SLC8A1: variants seen among roughly 807,000 people sequenced by gnomAD.
The protein encoded by SLC8A1 is sodium/calcium exchanger 1.
In SLC8A1, 18 loss-of-function variants were observed where a neutral mutation model predicts 68.3. That is an observed-to-expected ratio of 0.26 (90% confidence interval 0.18 to 0.39). The LOEUF (loss-of-function observed/expected upper bound fraction) is 0.39, where lower values mean the gene tolerates loss of function less well. Ranked by LOEUF, SLC8A1 falls within the 10% of genes least tolerant of loss-of-function variation. The probability of loss-of-function intolerance (pLI) is 1.00; values close to 1 mark genes in which losing one functional copy is unlikely to be tolerated. For missense variants in SLC8A1, 985 were observed against 1,156.7 expected (o/e 0.85, Z 2.15); for synonymous variants, 475 against 415.5 (o/e 1.14, Z -1.74).
chr2:40,426,587 A>G (rs950883649), intron 2 of SLC8A1, among the ~76,000 whole-genome samples: 3 of 152,050 alleles, frequency 2.0e-5, no homozygotes, highest in Non-Finnish European at 4.4e-5. Context: ...TGCAGAATAG[A>G]TAGGGAAAGA....
intron 1 of SLC8A1, among the ~76,000 whole-genome samples, chr2:40,435,824 G>A (rs1290747533): frequency 3.3e-5 from 5 of 152,118 alleles, no homozygotes; most frequent in Non-Finnish European, 5.9e-5. Context: ...CGCCCAGGCT[G>A]GAGTGCAGTG....
intron 2 of SLC8A1, among the ~76,000 whole-genome samples, chr2:40,394,903 C>G (rs1686445371): frequency 6.6e-6 from 1 of 152,090 alleles, no homozygotes; most frequent in South Asian, 2.1e-4. Context: ...GAACTCTACC[C>G]CAATCCCAGA....
At chr2:40,233,956 A>G (rs892201903) in intron 2 of SLC8A1, among the ~76,000 whole-genome samples, 14 of 151,938 alleles carry the variant, frequency 9.2e-5, no homozygotes, top group Non-Finnish European at 1.2e-4. Flanking sequence ...ATTGATCTAT[A>G]TCTCTGTTTT....
chr2:40,436,311 A>G (rs1329440809), intron 1 of SLC8A1, among the ~76,000 whole-genome samples: 2 of 152,194 alleles, frequency 1.3e-5, no homozygotes, highest in Non-Finnish European at 2.9e-5. Flanking sequence ...GTGGTAAACC[A>G]GAATCTGGGA....
At chr2:40,311,471 C>T (rs569518688) in intron 2 of SLC8A1, among the ~76,000 whole-genome samples, 19 of 151,862 alleles carry the variant, frequency 1.3e-4, no homozygotes, top group East Asian at 1.2e-3. Flanking sequence ...ATTAATATGG[C>T]GGTATGATGT....
At chr2:40,133,255 C>T (rs1225668269) in intron 7 of SLC8A1, among the ~76,000 whole-genome samples, 1 of 152,110 alleles carries the variant, frequency 6.6e-6, no homozygotes, top group Non-Finnish European at 1.5e-5. Flanking sequence ...ACATGGTGAA[C>T]AACCAGGGTA....
intron 2 of SLC8A1, among the ~76,000 whole-genome samples, chr2:40,190,926 T>TGTGTGTGTGG (rs1491120652): frequency 6.6e-6 from 1 of 151,228 alleles, no homozygotes; most frequent in African/African-American, 2.4e-5. Context: ...GGTCAATAAC[T>TGTGTGTGTGG]GTGTGTGTGG....
At chr2:40,236,506 G>A (rs2060393117) in intron 2 of SLC8A1, among the ~76,000 whole-genome samples, 1 of 151,800 alleles carries the variant, frequency 6.6e-6, no homozygotes, top group Admixed American at 6.6e-5. Flanking sequence ...CTGCACGTGA[G>A]ATGGGTTTCC....
At chr2:40,493,650 ATTTT>A (rs70957182) in intron 1 of SLC8A1, among the ~76,000 whole-genome samples, 7,152 of 134,560 alleles carry the variant, frequency 0.053, 535 homozygotes, top group East Asian at 0.39. Context: ...TTTCCTCAGT[ATTTT>A]TTTTTTTTTT....
chr2:40,430,426 A>T, intron 1 of SLC8A1, 122 bp from the exon 2 acceptor site: 1 of 1,000,744 alleles, frequency 1.0e-6, no homozygotes, highest in South Asian at 1.8e-5. Flanking sequence ...TTTGACCATC[A>T]CAAAACCGAA....
At chr2:40,210,687 T>C (rs1326881104) in intron 2 of SLC8A1, among the ~76,000 whole-genome samples, 2 of 152,164 alleles carry the variant, frequency 1.3e-5, no homozygotes, top group African/African-American at 4.8e-5. Flanking sequence ...TTCAGTATTA[T>C]CTAATGAATG....
intron 2 of SLC8A1, among the ~76,000 whole-genome samples, chr2:40,395,310 A>G (rs1360771776): frequency 6.6e-6 from 1 of 152,130 alleles, no homozygotes; most frequent in African/African-American, 2.4e-5. Flanking sequence ...TATTAGGTAA[A>G]TCAGATCTCA....
intron 1 of SLC8A1, among the ~76,000 whole-genome samples, chr2:40,478,589 A>G (rs1704435735): frequency 1.3e-5 from 2 of 152,278 alleles, no homozygotes; most frequent in South Asian, 4.1e-4. Context: ...TTTTTTCAGT[A>G]AAATATTCTA....
chr2:40,300,618 A>G (rs2071277989), intron 2 of SLC8A1, among the ~76,000 whole-genome samples: 1 of 152,024 alleles, frequency 6.6e-6, no homozygotes, highest in African/African-American at 2.4e-5. Context: ...CAAACCTCAG[A>G]CTCATGCTCT....
intron 4 of SLC8A1, among the ~76,000 whole-genome samples, chr2:40,167,056 G>T (rs916420538): frequency 6.6e-6 from 1 of 152,192 alleles, no homozygotes; most frequent in Non-Finnish European, 1.5e-5. Context: ...TGGTAGCATT[G>T]TTAAGTGCAG....
chr2:40,215,920 C>G (rs1195359727), intron 2 of SLC8A1, among the ~76,000 whole-genome samples: 1 of 151,662 alleles, frequency 6.6e-6, no homozygotes, highest in Non-Finnish European at 1.5e-5. Flanking sequence ...TCCTACCAAA[C>G]TCCTCTGCAC....
At chr2:40,221,297 T>C (rs575377441) in intron 2 of SLC8A1, among the ~76,000 whole-genome samples, 8 of 152,256 alleles carry the variant, frequency 5.3e-5, no homozygotes, top group Admixed American at 2.0e-4. Context: ...ATTATCTCAA[T>C]AGATGCAGAA....
upstream of SLC8A1, among the ~76,000 whole-genome samples, chr2:40,455,989 C>G (rs1702982961): frequency 6.7e-6 from 1 of 149,222 alleles, no homozygotes; most frequent in South Asian, 2.1e-4. Flanking sequence ...ACATCAGGGA[C>G]CTGCAATTCT....
rs547154750 is a variant in SLC8A1, at chr2:40,332,953, C to G, written c.1808+95520G>C. Among the ~76,000 whole-genome samples, 5 of 152,302 alleles carry G rather than the reference C, an allele frequency of 3.3e-5. No individual in the cohort carries two copies. The South Asian group carries it at 1.0e-3, about 32-fold the overall frequency. ...TCATAGGAAAAGTAAATTAGCTAGA[C>G]TATTTTCCTTTCTGCACAATGCAAT... On this transcript the variant is annotated intron_variant, in intron 2 of 7. Coordinates refer to ENST00000406785, the Ensembl canonical transcript of SLC8A1.
Sources: gnomAD v4.1 joint callset for allele counts (sites outside exome capture counted in the v4.1 genomes callset) on GRCh38, gnomAD v4.1.1 for gene constraint, MANE v1.5 for transcripts, NCBI Gene and HGNC (gene_info 2026-07-23, HGNC 2026-07-21) for gene names.